KIRREL3: variants seen among roughly 807,000 people sequenced by gnomAD.
KIRREL3 encodes kirre like nephrin family adhesion molecule 3.
Under a neutral mutation model 89.7 loss-of-function variants are expected in KIRREL3, and 36 were observed. The ratio of observed to expected loss-of-function variants is 0.40; its 90% CI spans 0.31 to 0.53. The LOEUF (loss-of-function observed/expected upper bound fraction) is 0.53. Ranked by LOEUF, KIRREL3 falls within the 20% of genes least tolerant of loss-of-function variation. The pLI is 0.49. For missense variants in KIRREL3, 864 were observed against 1,056.6 expected, an observed-to-expected ratio of 0.82 and a Z score of 2.53; for synonymous variants, 445 against 441.4, an observed-to-expected ratio of 1.01 and a Z score of -0.10.
Position 126,515,731 on chromosome 11 carries a change from C to A in KIRREL3, c.433+5584G>T. Among the ~76,000 whole-genome samples, 1 of 152,162 alleles carries A rather than the reference C, an allele frequency of 6.6e-6. No homozygotes were observed. The highest frequency in any genetic ancestry group is 2.4e-5 in the African/African-American group (1 of 41,520). On this transcript the variant is annotated intron_variant, in intron 4 of 16. Coordinates refer to ENST00000525144, the MANE Select transcript of KIRREL3 (RefSeq NM_032531.4). The surrounding 1 kb of genome is among the most constrained non-coding windows in gnomAD (Gnocchi z 4.2). ...TGGGGACACAGCTGGGGGCTGGCCT[C>A]GGGGGGCCTTGTGTGGCCTGGCAGG...
intron 1 of KIRREL3, among the ~76,000 whole-genome samples, chr11:126,674,486 T>C (rs1044136518): frequency 2.6e-5 from 4 of 152,206 alleles, no homozygotes; most frequent in African/African-American, 7.2e-5. Flanking sequence ...CCCAGTCAGA[T>C]AGAGCATCCA....
At chr11:126,435,186 C>A (rs564167221) in intron 13 of KIRREL3, 82 bp downstream of exon 13, 6 of 1,441,698 alleles carry the variant, frequency 4.2e-6, no homozygotes, top group Non-Finnish European at 5.8e-6. Flanking sequence ...GGCCTCCCTA[C>A]CCCCTGCTGG....
rs1324849602 is a variant in KIRREL3, at chr11:126,912,513, C to T, written c.55+87942G>A. Among the ~76,000 whole-genome samples the T allele has an allele frequency of 6.6e-6, 1 of 152,178 alleles. No homozygotes were observed. Among genetic ancestry groups the T allele is most frequent in the African/African-American group, 2.4e-5 (1 of 41,444 alleles). On this transcript the variant is annotated intron_variant, in intron 1 of 16. Transcript: ENST00000525144. The surrounding 1 kb of genome is among the most constrained non-coding windows in gnomAD (Gnocchi z 4.7). ...CAGTAGGCATCAACCAAGAACATATCACACTCACCTACAAAACAAGCAACC... is the reference window on the plus strand; with the variant it reads ...CAGTAGGCATCAACCAAGAACATATTACACTCACCTACAAAACAAGCAACC...
intron 1 of KIRREL3, among the ~76,000 whole-genome samples, chr11:126,695,573 G>T (rs754617748): frequency 6.6e-6 from 1 of 152,118 alleles, no homozygotes; most frequent in Non-Finnish European, 1.5e-5. Flanking sequence ...TAGAGACACC[G>T]GTGTGTCCTT....
At position 126,807,777 on chromosome 11, in the gene KIRREL3, G is replaced by A. The variant is rs1390988468; in HGVS notation, c.55+192678C>T. On this transcript the variant is annotated intron_variant, in intron 1 of 16. Coordinates refer to ENST00000525144, the MANE Select transcript of KIRREL3 (RefSeq NM_032531.4). This position sits in a 1 kb window ranked among gnomAD's most constrained non-coding sequence, Gnocchi z 4.3. ...TGATGTGGTTGGAGAGTCCTTTAAT[G>A]GGTGCTGCTGATGGCTATCGCTGAT... Among the ~76,000 whole-genome samples the A allele has an allele frequency of 6.6e-6, 1 of 152,162 alleles. No individual in the cohort carries two copies. Among genetic ancestry groups the A allele is most frequent in the Non-Finnish European group, 1.5e-5 (1 of 68,030 alleles).
chr11:126,979,321 C>T (rs2135241604), intron 1 of KIRREL3, among the ~76,000 whole-genome samples: 1 of 152,296 alleles, frequency 6.6e-6, no homozygotes, highest in Non-Finnish European at 1.5e-5. Context: ...AAGTTGTAAT[C>T]ACCTTTGCAT....
At position 126,710,778 on chromosome 11, in the gene KIRREL3, G is replaced by T. The variant is rs1272609469; in HGVS notation, c.56-147866C>A. 6.6e-6 allele frequency among the ~76,000 whole-genome samples: 1 copy of T among 152,134 alleles called. No homozygotes were observed. The highest frequency in any genetic ancestry group is 1.5e-5 in the Non-Finnish European group (1 of 68,024). ...ATACCAAGTCAAACAGATCACAACT[G>T]ATTATTAAGAACAGATCTACTACAG... On this transcript the variant is annotated intron_variant, in intron 1 of 16. Transcript: ENST00000525144. The surrounding 1 kb of genome is among the most constrained non-coding windows in gnomAD (Gnocchi z 4.2).
intron 1 of KIRREL3, chr11:126,935,315 A>G (rs1948138093): frequency 6.6e-6 from 1 of 150,518 alleles, no homozygotes; most frequent in Admixed American, 6.6e-5. Context: ...GGCAGTTAAA[A>G]AAAAAAAAAA....
In KIRREL3 at chr11:126,923,130, T is replaced by TCCTTCTCCTTCTC. The variant is rs373421868; in HGVS notation, c.55+77324_55+77325insGAGAAGGAGAAGG. 4.0e-3 allele frequency among the ~76,000 whole-genome samples: 65 copies of TCCTTCTCCTTCTC among 16,252 alleles called. 10 individuals are homozygous for TCCTTCTCCTTCTC. The highest frequency in any genetic ancestry group is 9.6e-3 in the South Asian group (3 of 312). 10.7% of individuals were successfully genotyped at this position (16,252 alleles called of 152,430 possible). A position where few individuals can be genotyped will look rare whatever the true frequency, so the allele number is the denominator to read the frequency against. ...CTTCTCCTTCTCCTTCTCCTTCTTC[T>TCCTTCTCCTTCTC]CTTCTTCTTCTTCTTCTTCTTCTTC... On this transcript the variant is annotated intron_variant, in intron 1 of 16. Transcript: ENST00000525144.
intron 1 of KIRREL3, among the ~76,000 whole-genome samples, chr11:126,923,274 TCC>T (rs1476186186): frequency 5.5e-5 from 6 of 109,670 alleles, no homozygotes; most frequent in Admixed American, 1.8e-4. Context: ...CTTCTCCTTC[TCC>T]TTCTCCTTCT....
In KIRREL3 at chr11:126,750,660, C is replaced by T. The variant is rs1442194085; in HGVS notation, c.56-187748G>A. Among the ~76,000 whole-genome samples the T allele has an allele frequency of 6.6e-6, 1 of 152,174 alleles. No homozygotes were observed. Among genetic ancestry groups the T allele is most frequent in the Non-Finnish European group, 1.5e-5 (1 of 68,028 alleles). ...ATTCTGCTGTGTGATTTACAAATGC[C>T]ATCTAATTTAGTGGTTCCCCAGCTT... On this transcript the variant is annotated intron_variant, in intron 1 of 16. Transcript: ENST00000525144. The surrounding 1 kb of genome is among the most constrained non-coding windows in gnomAD (Gnocchi z 4.2).
rs917010666 is a variant in KIRREL3, at chr11:126,491,057, G to A, written c.434-17591C>T. On this transcript the variant is annotated intron_variant, in intron 4 of 16. Coordinates refer to ENST00000525144, the MANE Select transcript of KIRREL3 (RefSeq NM_032531.4). The surrounding 1 kb of genome is among the most constrained non-coding windows in gnomAD (Gnocchi z 5.5). Reference sequence around the variant, plus strand: ...TTTGGGTCCATCCCGTAGTGGAAAGGGGTCCTATGTGAACAGAAGGGAGGG... The same window carrying A: ...TTTGGGTCCATCCCGTAGTGGAAAGAGGTCCTATGTGAACAGAAGGGAGGG... Among the ~76,000 whole-genome samples the A allele has an allele frequency of 6.6e-6, 1 of 152,300 alleles. No individual in the cohort carries two copies. The highest frequency in any genetic ancestry group is 1.9e-4 in the East Asian group (1 of 5,170).
intron 10 of KIRREL3, among the ~76,000 whole-genome samples, chr11:126,444,492 G>C (rs1269185319): frequency 1.3e-5 from 2 of 152,352 alleles, no homozygotes; most frequent in South Asian, 2.1e-4. Flanking sequence ...GGGCGTAGTG[G>C]CACGTGCCTG....
At chr11:126,604,335 A>C (rs1252986097) in intron 1 of KIRREL3, among the ~76,000 whole-genome samples, 10 of 152,250 alleles carry the variant, frequency 6.6e-5, no homozygotes, top group Non-Finnish European at 1.5e-4. Context: ...GATGAAACTG[A>C]GTATTCCATA....
At position 126,495,360 on chromosome 11, in the gene KIRREL3, C is replaced by A. The variant is rs903636387; in HGVS notation, c.434-21894G>T. 2.0e-5 allele frequency among the ~76,000 whole-genome samples: 3 copies of A among 152,148 alleles called. No individual in the cohort carries two copies. The highest frequency in any genetic ancestry group is 2.9e-5 in the Non-Finnish European group (2 of 68,042). On this transcript the variant is annotated intron_variant, in intron 4 of 16. Transcript: ENST00000525144. This position sits in a 1 kb window ranked among gnomAD's most constrained non-coding sequence, Gnocchi z 6.5. The stretch of plus-strand genomic sequence containing the variant: ...GAGCCCCAGAGATCCTCTACATGAA[C>A]CTCCCTCTCTGCGCCCTACCTCCAG...
At chr11:126,706,694 A>C (rs1947540867) in intron 1 of KIRREL3, among the ~76,000 whole-genome samples, 1 of 152,020 alleles carries the variant, frequency 6.6e-6, no homozygotes, top group African/African-American at 2.4e-5. Context: ...AAAATCATTT[A>C]TTTTGCTTTT....
intron 1 of KIRREL3, among the ~76,000 whole-genome samples, chr11:126,988,951 T>C (rs376121078): frequency 6.6e-6 from 1 of 152,106 alleles, no homozygotes; most frequent in African/African-American, 2.4e-5. Flanking sequence ...AGTTCAGCTT[T>C]CTATTAAGGT....
At chr11:126,450,255 G>T (rs1027007868) in intron 7 of KIRREL3, among the ~76,000 whole-genome samples, 2 of 152,028 alleles carry the variant, frequency 1.3e-5, no homozygotes, top group African/African-American at 4.8e-5. Context: ...GCATGTGTGA[G>T]TGTGCCTGTG....
Position 126,990,665 on chromosome 11 carries a change from GCCC to G in KIRREL3, c.55+9787_55+9789del, listed in dbSNP as rs1950011062. On this transcript the variant is annotated intron_variant, in intron 1 of 16. Transcript: ENST00000525144. This position sits in a 1 kb window ranked among gnomAD's most constrained non-coding sequence, Gnocchi z 6.3. ...ACAGCTCCTCTCTGCCTCCGCAGTT[GCCC>G]CTCACTCAGGTGCAGCTTCCTATGT... is the stretch of plus-strand genomic sequence containing the variant. 6.6e-6 allele frequency among the ~76,000 whole-genome samples: 1 copy of G among 152,192 alleles called. No homozygotes were observed. Among genetic ancestry groups the G allele is most frequent in the South Asian group, 2.1e-4 (1 of 4,830 alleles).
Sources: gnomAD v4.1 joint callset for allele counts (sites outside exome capture counted in the v4.1 genomes callset) on GRCh38, gnomAD v4.1.1 for gene constraint, Gnocchi (gnomAD v3.1) non-coding constraint, MANE v1.5 for transcripts, NCBI Gene and HGNC (gene_info 2026-07-23, HGNC 2026-07-21) for gene names.